The following LOXL2 variants were observed in gnomAD, a reference collection of about 807,000 sequenced individuals.
LOXL2 encodes lysyl oxidase like 2.
LOXL2 carries 70 observed loss-of-function variants against 93.0 expected under a neutral mutation model. The ratio of observed to expected loss-of-function variants is 0.75; its 90% CI spans 0.62 to 0.92. The LOEUF is 0.92. Among genes scored for constraint, LOXL2 ranks in the 40% least tolerant of loss-of-function variants. The probability of loss-of-function intolerance (pLI) is 0.00; values close to 1 mark genes in which losing one functional copy is unlikely to be tolerated. For missense variants in LOXL2, 973 were observed against 1,054.9 expected, an observed-to-expected ratio of 0.92 and a Z score of 1.08; for synonymous variants, 438 against 413.2, an observed-to-expected ratio of 1.06 and a Z score of -0.73.
intron 3 of LOXL2, among the ~76,000 whole-genome samples, chr8:23,341,788 A>G (rs1803886723): frequency 6.6e-6 from 1 of 152,214 alleles, no homozygotes; most frequent in South Asian, 2.1e-4. Flanking sequence ...GGCCTGAGAG[A>G]AGAAGCAGGG....
rs147553716 is a variant in LOXL2 at position 23,309,796 on chromosome 8, G to A, written c.1752C>T (p.Ala584=). 1.2e-4 allele frequency: 185 copies of A among 1,604,044 alleles called. No individual in the cohort carries two copies. Among genetic ancestry groups the A allele is most frequent in the Admixed American group, 2.6e-4 (15 of 58,312 alleles). ...AGCCCGTGGTGGGGTCGGTCTGCGC[G>A]GCTGAGGCCGAGAGGCAGTTCTCCT... The part of the protein sequence containing the change: ...AMEENCLSAS[A]AQTDPTTGYR... Residue 584 remains alanine, a synonymous_variant, in exon 10 of 14, where the codon GCC becomes GCT. Transcript: ENST00000389131.
At position 23,317,136 on chromosome 8, in the gene LOXL2, A is replaced by G. The variant is rs372762004; in HGVS notation, c.1471-22T>C. 1.5e-4 allele frequency: 235 copies of G among 1,612,126 alleles called. 4 individuals carry two copies. The Middle Eastern group carries it at 3.6e-3, about 25-fold the overall frequency. Reference sequence around the variant, plus strand: ...TCTCCTGGAAGAACCAACAAAACAAATGGTGGGTACATCATCTCAAACTGT... The same window carrying G: ...TCTCCTGGAAGAACCAACAAAACAAGTGGTGGGTACATCATCTCAAACTGT... On this transcript the variant is annotated intron_variant, in intron 8 of 13. Transcript: ENST00000389131.
Position 23,309,716 on chromosome 8 carries a change from A to G in LOXL2, c.1832T>C (p.Phe611Ser). ...CGCGTGGCGGCCGTTCTTGGGCCGG[A>G]AGTCGGACTGGCCATTGTTGTGGAT... ...SQIHNNGQSD[F>S]RPKNGRHAWI... The change falls in exon 10 of 14, where the codon TTC (phenylalanine) becomes TCC (serine). Residue 611 changes from phenylalanine (F) to serine (S), a missense_variant. Phe to Ser is a radical substitution (Grantham distance 155). Transcript: ENST00000389131. 2 of 1,574,942 alleles carry G rather than the reference A, an allele frequency of 1.3e-6. No homozygotes were observed. Among genetic ancestry groups the G allele is most frequent in the South Asian group, 1.2e-5 (1 of 86,126 alleles).
intron 1 of LOXL2, among the ~76,000 whole-genome samples, chr8:23,377,183 T>G (rs1383030360): frequency 6.6e-6 from 1 of 152,188 alleles, no homozygotes; most frequent in Non-Finnish European, 1.5e-5. Context: ...ATTTCTGCCT[T>G]CATTTTGTTA....
intron 1 of LOXL2, among the ~76,000 whole-genome samples, chr8:23,383,657 GTTTTTTTTTTTTTTTT>G (rs968347697): frequency 9.0e-5 from 2 of 22,264 alleles, no homozygotes; most frequent in Non-Finnish European, 1.7e-4. Flanking sequence ...TTTTTTTTTT[GTTTTTTTTTTTTTTTT>G]TTTTTGAGAC....
Position 23,316,791 on chromosome 8 carries a change from G to A in LOXL2, c.1636+158C>T, listed in dbSNP as rs181906150. The A allele has an allele frequency of 2.1e-4, 147 of 690,588 alleles. No homozygotes were observed. The East Asian group carries it at 2.4e-3, about 11-fold the overall frequency. 42.8% of individuals were successfully genotyped at this position (690,588 alleles called of 1,614,324 possible). On this transcript the variant is annotated intron_variant, in intron 9 of 13. Coordinates refer to ENST00000389131, the MANE Select transcript of LOXL2 (RefSeq NM_002318.3). ...GACAGCGATCTGTGGTTGGGGTGGC[G>A]GTCATCTCTCTTGCCCCCAGTTTTT...
intron 11 of LOXL2, among the ~76,000 whole-genome samples, chr8:23,302,513 TACTG>T (rs1430468505): frequency 6.6e-6 from 1 of 151,364 alleles, no homozygotes; most frequent in Non-Finnish European, 1.5e-5. Context: ...TGGGGGGTCA[TACTG>T]TCTGTCTCCT....
chr8:23,331,522 AT>A (rs889254955), intron 5 of LOXL2: 1 of 152,180 alleles, frequency 6.6e-6, no homozygotes, highest in African/African-American at 2.4e-5. Flanking sequence ...CTGAGAAATG[AT>A]CGGTCACTTC....
At chr8:23,310,711 T>C (rs1348620652) in intron 9 of LOXL2, among the ~76,000 whole-genome samples, 3 of 152,226 alleles carry the variant, frequency 2.0e-5, no homozygotes, top group Admixed American at 6.5e-5. Context: ...TACTGCCAAA[T>C]TGCCTTCTTA....
intron 5 of LOXL2, among the ~76,000 whole-genome samples, chr8:23,332,413 G>C (rs1471208191): frequency 1.4e-4 from 8 of 57,856 alleles, no homozygotes; most frequent in Admixed American, 2.4e-4. Context: ...TACACACACC[G>C]CCACACACCC....
At position 23,298,121 on chromosome 8, in the gene LOXL2, A is replaced by C; in HGVS notation, c.2247T>G (p.Gly749=). 6.2e-7 allele frequency: 1 copy of C among 1,612,690 alleles called. No individual in the cohort carries two copies. The highest frequency in any genetic ancestry group is 2.2e-5 in the East Asian group (1 of 44,864). ...TTTCCGTCTCTTCGCTGAAGGAACC[A>C]CCTGAAGAGCGAGAATCGGGTAGAG... is the stretch of plus-strand genomic sequence containing the variant. ...HRIWMYNCHI[G]GSFSEETEKK... The change falls in exon 14 of 14, where the codon GGT becomes GGG. Residue 749 remains glycine, a splice_region_variant and synonymous_variant. Coordinates refer to ENST00000389131, the MANE Select transcript of LOXL2 (RefSeq NM_002318.3).
chr8:23,390,509 A>G (rs1371431246), intron 1 of LOXL2, among the ~76,000 whole-genome samples: 1 of 152,200 alleles, frequency 6.6e-6, no homozygotes, highest in Admixed American at 6.5e-5. Context: ...TTTTTCCCCC[A>G]GCCTCCAAAA....
intron 9 of LOXL2, chr8:23,316,715 G>A (rs553898925): frequency 2.1e-5 from 11 of 519,076 alleles, no homozygotes; most frequent in African/African-American, 9.7e-5. Flanking sequence ...GACTGAATCC[G>A]GGCTACAGAC....
chr8:23,328,854 T>G, intron 5 of LOXL2: 1 of 360,900 alleles, frequency 2.8e-6, no homozygotes, highest in South Asian at 3.7e-5. Context: ...GGGGAGCCCA[T>G]TGGGGACCGT....
In LOXL2 at chr8:23,302,344, C is replaced by T. The variant is rs535531027; in HGVS notation, c.1997-181G>A. On this transcript the variant is annotated intron_variant, in intron 11 of 13. Transcript: ENST00000389131. ...CCCCACTCAATTCCCTACCCACATC[C>T]TGCCTCTTCTCTCAGGCCAGGCTCA... is the stretch of plus-strand genomic sequence containing the variant. Among the ~76,000 whole-genome samples, 4 of 152,312 alleles carry T rather than the reference C, an allele frequency of 2.6e-5. No individual in the cohort carries two copies. In the East Asian group the frequency reaches 7.7e-4, roughly 29 times the overall value.
intron 2 of LOXL2, among the ~76,000 whole-genome samples, chr8:23,366,834 C>T (rs372206553): frequency 8.5e-5 from 13 of 152,150 alleles, no homozygotes; most frequent in African/African-American, 2.9e-4. Context: ...AGAAACAATT[C>T]CCTCCACCCT....
intron 1 of LOXL2, among the ~76,000 whole-genome samples, chr8:23,401,951 A>G (rs1800156057): frequency 6.6e-6 from 1 of 152,264 alleles, no homozygotes; most frequent in Non-Finnish European, 1.5e-5. Context: ...ACCTTAGACT[A>G]AGTCACTTTC....
intron 10 of LOXL2, among the ~76,000 whole-genome samples, chr8:23,308,216 G>A (rs1259999877): frequency 2.0e-5 from 3 of 152,200 alleles, no homozygotes; most frequent in Non-Finnish European, 2.9e-5. Flanking sequence ...TTCCGGAGCT[G>A]CAGCGGAGCC....
chr8:23,322,178 C>CAA lies in LOXL2; in HGVS notation c.1253_1254insTT (p.Glu418AspfsTer6). ...GGGTGTTGCATCTCACACCAGCATC[C>CAA]TCCTCGTGGTTGCAGCCCTGAGACT... is the stretch of plus-strand genomic sequence containing the variant. On this transcript the variant is annotated frameshift_variant, in exon 7 of 14. Coordinates refer to ENST00000389131, the MANE Select transcript of LOXL2 (RefSeq NM_002318.3). LOFTEE classifies it high-confidence loss of function. The CAA allele has an allele frequency of 6.2e-7, 1 of 1,614,244 alleles. No homozygotes were observed.
Sources: gnomAD v4.1 joint callset for allele counts (sites outside exome capture counted in the v4.1 genomes callset) on GRCh38, gnomAD v4.1.1 for gene constraint, MANE v1.5 for transcripts, NCBI Gene and HGNC (gene_info 2026-07-23, HGNC 2026-07-21) for gene names.